The following EBF1 variants were observed in gnomAD, a reference collection of about 807,000 sequenced individuals.
EBF1 encodes transcription factor COE1.
A neutral mutation model predicts 68.4 loss-of-function variants in EBF1; 10 were observed. The ratio of observed to expected loss-of-function variants is 0.15; its 90% CI spans 0.09 to 0.25. The LOEUF is 0.25. Among genes scored for constraint, EBF1 ranks in the 10% least tolerant of loss-of-function variants. The pLI is 1.00. For synonymous variants in EBF1, 298 were observed against 299.8 expected, an observed-to-expected ratio of 0.99 and a Z score of 0.06; for missense variants, 509 against 794.4, an observed-to-expected ratio of 0.64 and a Z score of 4.32.
intron 6 of EBF1, among the ~76,000 whole-genome samples, chr5:159,071,511 G>A (rs1777785770): frequency 6.6e-6 from 1 of 152,162 alleles, no homozygotes; most frequent in Non-Finnish European, 1.5e-5. Flanking sequence ...ATGCAAAGCG[G>A]CAACAATAGA....
Position 158,796,453 on chromosome 5 carries a change from G to T in EBF1, c.801C>A (p.Ile267=). ...LEHATPCIKA[I]SPSEGWTTGG... ...CCGTCGTCCATCCTTCACTCGGGCTGATGGCTTTGATACAGGGAGTAGCTG... is the reference window on the plus strand; with the variant it reads ...CCGTCGTCCATCCTTCACTCGGGCTTATGGCTTTGATACAGGGAGTAGCTG... The change falls in exon 9 of 16, where the codon ATC becomes ATA. Residue 267 remains isoleucine, a synonymous_variant. Transcript: ENST00000313708. 5 of 1,613,112 alleles carry T rather than the reference G, an allele frequency of 3.1e-6. No individual in the cohort carries two copies. The highest frequency in any genetic ancestry group is 4.2e-6 in the Non-Finnish European group (5 of 1,179,380).
intron 6 of EBF1, among the ~76,000 whole-genome samples, chr5:158,957,026 G>A (rs1817276933): frequency 6.6e-6 from 1 of 152,090 alleles, no homozygotes; most frequent in Admixed American, 6.5e-5. Context: ...CCAAAGTGCT[G>A]GGATTACAGG....
chr5:158,913,311 A>C (rs1806422081), intron 6 of EBF1, among the ~76,000 whole-genome samples: 1 of 152,252 alleles, frequency 6.6e-6, no homozygotes, highest in African/African-American at 2.4e-5. Flanking sequence ...ATTAACTCAC[A>C]TCAGAAATAG....
intron 6 of EBF1, among the ~76,000 whole-genome samples, chr5:158,848,986 A>G (rs1792086080): frequency 1.3e-5 from 2 of 152,352 alleles, no homozygotes; most frequent in Non-Finnish European, 2.9e-5. Context: ...CTCAACCAAC[A>G]GACCTTTCCA....
chr5:158,720,069 G>A (rs1482938685), intron 11 of EBF1, among the ~76,000 whole-genome samples: 1 of 152,096 alleles, frequency 6.6e-6, no homozygotes, highest in Non-Finnish European at 1.5e-5. Context: ...TCAAAATATA[G>A]TGGCCAAATA....
chr5:158,763,163 G>C (rs755613685), intron 10 of EBF1, among the ~76,000 whole-genome samples: 1 of 152,184 alleles, frequency 6.6e-6, no homozygotes, highest in Non-Finnish European at 1.5e-5. Context: ...ACCACCAGGG[G>C]ACTGAGGCAC....
chr5:158,753,727 A>T (rs2127596526), intron 10 of EBF1, among the ~76,000 whole-genome samples: 1 of 152,240 alleles, frequency 6.6e-6, no homozygotes, highest in South Asian at 2.1e-4. Context: ...TCAGGCAAAA[A>T]CTATTTCATC....
chr5:158,770,956 A>G (rs1440705293), intron 10 of EBF1, among the ~76,000 whole-genome samples: 1 of 152,172 alleles, frequency 6.6e-6, no homozygotes, highest in Non-Finnish European at 1.5e-5. Flanking sequence ...TTTGCTTAAC[A>G]CTGTTTCAGG....
At chr5:159,066,124 A>T (rs1776750008) in intron 6 of EBF1, among the ~76,000 whole-genome samples, 1 of 152,200 alleles carries the variant, frequency 6.6e-6, no homozygotes, top group African/African-American at 2.4e-5. Flanking sequence ...AAATAATCTT[A>T]TTGAGAGGAA....
chr5:158,779,349 A>T (rs1046022586), intron 9 of EBF1, among the ~76,000 whole-genome samples: 7 of 152,200 alleles, frequency 4.6e-5, no homozygotes, highest in African/African-American at 1.7e-4. Context: ...CAAAAAAGTC[A>T]CGGGACAAAC....
chr5:158,980,936 G>A (rs533133982), intron 6 of EBF1, among the ~76,000 whole-genome samples: 2 of 152,194 alleles, frequency 1.3e-5, no homozygotes, highest in South Asian at 4.1e-4. Context: ...ATAAGGTTAA[G>A]GCTATAATAT....
intron 10 of EBF1, among the ~76,000 whole-genome samples, chr5:158,756,319 G>A (rs1770091883): frequency 6.6e-6 from 1 of 151,832 alleles, no homozygotes; most frequent in Non-Finnish European, 1.5e-5. Context: ...AGGGTAATCA[G>A]TCATCTTGAC....
intron 6 of EBF1, among the ~76,000 whole-genome samples, chr5:158,946,186 A>T (rs1466219659): frequency 6.6e-6 from 1 of 152,098 alleles, no homozygotes; most frequent in Non-Finnish European, 1.5e-5. Flanking sequence ...TACTTCTGTC[A>T]ATTCGTCAAA....
chr5:159,030,836 A>G (rs1359342461), intron 6 of EBF1, among the ~76,000 whole-genome samples: 2 of 152,142 alleles, frequency 1.3e-5, no homozygotes, highest in African/African-American at 4.8e-5. Context: ...GGAGAGTAGC[A>G]TGGCTGTAGT....
chr5:158,712,124 C>T, intron 14 of EBF1, 30 bp downstream of exon 14: 1 of 1,610,766 alleles, frequency 6.2e-7, no homozygotes, highest in Non-Finnish European at 8.5e-7. Context: ...GCGAAACGTG[C>T]AGGAACGCAG....
intron 6 of EBF1, among the ~76,000 whole-genome samples, chr5:158,933,873 A>C (rs34066608): frequency 0.071 from 10,836 of 152,328 alleles, 481 homozygotes; most frequent in Non-Finnish European, 0.093. Flanking sequence ...TTGAAAGCAC[A>C]GATCTTTCAG....
At chr5:158,866,916 C>T (rs1242056165) in intron 6 of EBF1, among the ~76,000 whole-genome samples, 1 of 136,978 alleles carries the variant, frequency 7.3e-6, no homozygotes, top group Non-Finnish European at 1.5e-5. Flanking sequence ...GTGCATATGT[C>T]TAAGCACATA....
intron 6 of EBF1, among the ~76,000 whole-genome samples, chr5:158,994,844 C>T (rs2127621587): frequency 6.6e-6 from 1 of 152,286 alleles, no homozygotes. Flanking sequence ...ATTCTTCACT[C>T]TTGACAATGC....
chr5:158,741,076 C>T (rs547430175), intron 10 of EBF1, among the ~76,000 whole-genome samples: 5 of 152,304 alleles, frequency 3.3e-5, no homozygotes, highest in African/African-American at 1.2e-4. Context: ...AAATATATAA[C>T]ATTTTATTTC....
Sources: allele counts gnomAD v4.1 joint callset (sites outside exome capture counted in the v4.1 genomes callset), GRCh38; gene constraint gnomAD v4.1.1; transcripts MANE v1.5; gene names NCBI Gene and HGNC (gene_info 2026-07-23, HGNC 2026-07-21).